ANO3: variants seen among roughly 807,000 people sequenced by gnomAD.
ANO3 encodes anoctamin-3.
ANO3 carries 99 observed loss-of-function variants against 144.8 expected under a neutral mutation model. That is an observed-to-expected ratio of 0.68 (90% confidence interval 0.58 to 0.81). The LOEUF (loss-of-function observed/expected upper bound fraction) is 0.81. Among genes scored for constraint, ANO3 ranks in the 30% least tolerant of loss-of-function variants. The probability of loss-of-function intolerance (pLI) is 0.00; values close to 1 mark genes in which losing one functional copy is unlikely to be tolerated. For missense variants in ANO3, 905 were observed against 1,202.2 expected, an observed-to-expected ratio of 0.75 and a Z score of 3.66; for synonymous variants, 414 against 392.6, an observed-to-expected ratio of 1.05 and a Z score of -0.64.
intron 1 of ANO3, among the ~76,000 whole-genome samples, chr11:26,441,651 C>T (rs1858525792): frequency 3.9e-5 from 6 of 152,156 alleles, no homozygotes; most frequent in Admixed American, 3.3e-4. Context: ...TGAACTTAAA[C>T]ATCAGTTTCT....
rs1017991040 is a variant in ANO3 at position 26,350,631 on chromosome 11, G to A, written c.46+18310G>A. Among the ~76,000 whole-genome samples the A allele has an allele frequency of 7.9e-5, 12 of 151,854 alleles. No homozygotes were observed. In the South Asian group the frequency reaches 2.1e-3, roughly 26 times the overall value. On this transcript the variant is annotated intron_variant, in intron 1 of 26. Transcript: ENST00000256737. ...TCTTTTTTAAAGTTTCCATATTTTA[G>A]TTATATATATTTTGATATAATGACT... is the stretch of plus-strand genomic sequence containing the variant.
chr11:26,549,564 GT>G (rs1849876823), intron 12 of ANO3, among the ~76,000 whole-genome samples: 1 of 151,908 alleles, frequency 6.6e-6, no homozygotes, highest in African/African-American at 2.4e-5. Context: ...GTTTCTACAA[GT>G]TATGTCCAAC....
chr11:26,309,053 A>G (rs1854448339), upstream of ANO3, among the ~76,000 whole-genome samples: 1 of 152,198 alleles, frequency 6.6e-6, no homozygotes, highest in Non-Finnish European at 1.5e-5. Context: ...AGGATTGCAC[A>G]CATTTCCATA....
Position 26,661,323 on chromosome 11 carries a change from C to T in ANO3, c.*879C>T, listed in dbSNP as rs1447125677. 6.6e-6 allele frequency: 1 copy of T among 152,548 alleles called. No homozygotes were observed. Among genetic ancestry groups the T allele is most frequent in the Non-Finnish European group, 1.5e-5 (1 of 68,026 alleles). The allele number at this position is 152,548 out of a possible 1,614,324, so 9.4% of individuals were successfully genotyped here. ...TTTCTCTATGATTTATTACAACTCT[C>T]ACGGAATATTAACTTGAAATGCTGT... On this transcript the variant is annotated 3_prime_UTR_variant, in exon 27 of 27. Transcript: ENST00000256737.
chr11:26,355,332 A>AT (rs889565458), intron 1 of ANO3, among the ~76,000 whole-genome samples: 66 of 151,826 alleles, frequency 4.3e-4, no homozygotes, highest in Non-Finnish European at 7.5e-4. Context: ...TCTAAGATGG[A>AT]TTTTTTTTCC....
At chr11:26,579,371 G>C (rs1447181970) in intron 14 of ANO3, among the ~76,000 whole-genome samples, 3 of 152,136 alleles carry the variant, frequency 2.0e-5, no homozygotes, top group Admixed American at 2.0e-4. Flanking sequence ...TACACTCTGA[G>C]GAAGAATCTT....
chr11:26,197,327 G>A (rs1220471050), intron 1 of ANO3, among the ~76,000 whole-genome samples: 1 of 151,894 alleles, frequency 6.6e-6, no homozygotes, highest in Admixed American at 6.6e-5. Flanking sequence ...AAACTATATG[G>A]GTAGTTTAAT....
intron 9 of ANO3, among the ~76,000 whole-genome samples, chr11:26,536,418 A>T (rs1849511292): frequency 6.6e-6 from 1 of 152,070 alleles, no homozygotes; most frequent in Non-Finnish European, 1.5e-5. Context: ...TAGTCTTTTG[A>T]AATAATTATG....
chr11:26,624,572 T>C, intron 18 of ANO3, 74 bp downstream of exon 18: 5 of 1,076,392 alleles, frequency 4.6e-6, no homozygotes, highest in African/African-American at 1.6e-5. Context: ...AGTTACTTTA[T>C]ATAATGTAGC....
intron 23 of ANO3, 102 bp from the exon 24 acceptor site, chr11:26,647,607 G>GTTCCACATA (rs1853389823): frequency 9.1e-7 from 1 of 1,094,958 alleles, no homozygotes; most frequent in Non-Finnish European, 1.3e-6. Flanking sequence ...GGACAGAGCT[G>GTTCCACATA]TGGTTCCAAC....
intron 1 of ANO3, among the ~76,000 whole-genome samples, chr11:26,391,785 T>C (rs1288228040): frequency 6.6e-6 from 1 of 152,134 alleles, no homozygotes; most frequent in Non-Finnish European, 1.5e-5. Context: ...ATGATAGCTC[T>C]TTTATGTGTA....
chr11:26,457,117 C>G (rs1176657122), intron 3 of ANO3, among the ~76,000 whole-genome samples: 1 of 147,058 alleles, frequency 6.8e-6, no homozygotes, highest in Non-Finnish European at 1.5e-5. Context: ...GGAGATATAC[C>G]TAATGCTAGA....
chr11:26,290,305 T>C lies in ANO3; in HGVS notation c.155-19340T>C, dbSNP rs533805105. ...ATCTATTTGATTCTTCTCTCTTTTC[T>C]TCTTTATTAGTCTTGCTAGTGGTCT... On this transcript the variant is annotated intron_variant, in intron 1 of 27. Coordinates refer to the ANO3 transcript ENST00000672621. Among the ~76,000 whole-genome samples, 56 of 152,308 alleles carry C rather than the reference T, an allele frequency of 3.7e-4. 2 individuals are homozygous for C. The South Asian group carries it at 0.011, about 31-fold the overall frequency.
intron 1 of ANO3, among the ~76,000 whole-genome samples, chr11:26,195,291 G>A (rs1564912284): frequency 6.6e-6 from 1 of 152,158 alleles, no homozygotes; most frequent in Non-Finnish European, 1.5e-5. Context: ...ACAGTGTTCT[G>A]AAGATATCAG....
At chr11:26,274,589 A>G (rs1268169673) in intron 1 of ANO3, among the ~76,000 whole-genome samples, 1 of 152,172 alleles carries the variant, frequency 6.6e-6, no homozygotes, top group African/African-American at 2.4e-5. Flanking sequence ...TGGTACTGAC[A>G]TGGTGATATT....
At chr11:26,426,376 A>T (rs1040246700) in intron 1 of ANO3, among the ~76,000 whole-genome samples, 5 of 152,206 alleles carry the variant, frequency 3.3e-5, no homozygotes, top group African/African-American at 1.2e-4. Flanking sequence ...GTGTGAAAAG[A>T]TAAAACTTTA....
intron 5 of ANO3, among the ~76,000 whole-genome samples, chr11:26,512,432 G>A (rs959218018): frequency 6.6e-6 from 1 of 152,158 alleles, no homozygotes; most frequent in Non-Finnish European, 1.5e-5. Context: ...CTGGGGAAAA[G>A]GTAATCTTTC....
At chr11:26,645,227 T>C (rs35967832) in intron 23 of ANO3, among the ~76,000 whole-genome samples, 50,818 of 151,874 alleles carry the variant, frequency 0.33, 9,331 homozygotes, top group South Asian at 0.47. Context: ...GTCCAGGATT[T>C]TTTTCCCCAA....
At chr11:26,414,347 C>G (rs1857513320) in intron 1 of ANO3, among the ~76,000 whole-genome samples, 1 of 152,030 alleles carries the variant, frequency 6.6e-6, no homozygotes, top group South Asian at 2.1e-4. Flanking sequence ...ACCTAAATGC[C>G]TATCAACAAT....
Sources: allele counts gnomAD v4.1 joint callset (sites outside exome capture counted in the v4.1 genomes callset), GRCh38; gene constraint gnomAD v4.1.1; transcripts MANE v1.5; gene names NCBI Gene and HGNC (gene_info 2026-07-23, HGNC 2026-07-21).